The following MECOM variants were observed in gnomAD, a reference collection of about 807,000 sequenced individuals.
The protein encoded by MECOM is MDS1 and EVI1 complex locus, also known as histone-lysine N-methyltransferase MECOM.
In MECOM, 13 loss-of-function variants were observed where a neutral mutation model predicts 116.3. The ratio of observed to expected loss-of-function variants is 0.11; its 90% CI spans 0.07 to 0.18. MECOM has a LOEUF of 0.18. Ranked by LOEUF, MECOM falls within the 10% of genes least tolerant of loss-of-function variation. The pLI is 1.00. For missense variants in MECOM, 1,299 were observed against 1,509.0 expected, an observed-to-expected ratio of 0.86 and a Z score of 2.31; for synonymous variants, 528 against 535.2, an observed-to-expected ratio of 0.99 and a Z score of 0.19.
intron 2 of MECOM, chr3:169,146,409 C>T (rs1354156273): frequency 7.2e-7 from 1 of 1,394,952 alleles, no homozygotes; most frequent in Non-Finnish European, 9.5e-7. Context: ...GACAGAGACA[C>T]ACGGAGGGAG....
At chr3:169,167,465 G>A (rs1003389208) in intron 2 of MECOM, among the ~76,000 whole-genome samples, 3 of 152,116 alleles carry the variant, frequency 2.0e-5, no homozygotes, top group Non-Finnish European at 4.4e-5. Flanking sequence ...TCAAGGTCCC[G>A]CATGATGGAA....
At chr3:169,554,366 T>C (rs887288025) in intron 1 of MECOM, among the ~76,000 whole-genome samples, 6 of 152,178 alleles carry the variant, frequency 3.9e-5, no homozygotes, top group Admixed American at 3.3e-4. Flanking sequence ...ATCACTTCAA[T>C]TATGCCTTCA....
At chr3:169,361,484 G>A (rs767001882) in intron 2 of MECOM, among the ~76,000 whole-genome samples, 20 of 151,794 alleles carry the variant, frequency 1.3e-4, no homozygotes, top group Admixed American at 1.1e-3. Flanking sequence ...TGGTGATGAT[G>A]ATTATTAAAA....
chr3:169,107,354 T>G (rs952424761), intron 10 of MECOM, among the ~76,000 whole-genome samples: 1 of 152,176 alleles, frequency 6.6e-6, no homozygotes, highest in African/African-American at 2.4e-5. Context: ...TGACTGGATC[T>G]GGAAATAGTA....
rs183716919 is a variant in MECOM at position 169,463,021 on chromosome 3, A to C, written c.38-81497T>G. Among the ~76,000 whole-genome samples the C allele has an allele frequency of 2.6e-5, 4 of 152,166 alleles. No homozygotes were observed. The East Asian group carries it at 7.7e-4, about 29-fold the overall frequency. On this transcript the variant is annotated intron_variant, in intron 1 of 16. Transcript: ENST00000651503. ...AGTTTTCCTGTTGGCAAGCATAAAA[A>C]CTCATTTTCAGCATTTAAGCTAATG...
chr3:169,349,109 T>C (rs999848201), intron 2 of MECOM, among the ~76,000 whole-genome samples: 3 of 142,344 alleles, frequency 2.1e-5, no homozygotes, highest in African/African-American at 7.8e-5. Flanking sequence ...TCTCCCTCAC[T>C]TCTTAGACGC....
chr3:169,235,923 A>G (rs990664444), intron 2 of MECOM, among the ~76,000 whole-genome samples: 1 of 151,288 alleles, frequency 6.6e-6, no homozygotes, highest in Non-Finnish European at 1.5e-5. Flanking sequence ...TCAACTTACA[A>G]CCTTTTTTTT....
intron 1 of MECOM, among the ~76,000 whole-genome samples, chr3:169,647,523 C>T (rs530641656): frequency 1.3e-5 from 2 of 151,998 alleles, no homozygotes; most frequent in Non-Finnish European, 2.9e-5. Flanking sequence ...TAGAGTAATG[C>T]CCTCATGGAA....
At chr3:169,105,371 A>G (rs937481278) in intron 10 of MECOM, among the ~76,000 whole-genome samples, 1 of 151,682 alleles carries the variant, frequency 6.6e-6, no homozygotes, top group African/African-American at 2.4e-5. Flanking sequence ...CAAAACCCCA[A>G]CTCTCTCTTG....
intron 2 of MECOM, among the ~76,000 whole-genome samples, chr3:169,178,620 AT>A (rs1414422350): frequency 6.6e-6 from 1 of 152,192 alleles, no homozygotes; most frequent in African/African-American, 2.4e-5. Context: ...GCCCCACATA[AT>A]CTTGAAAGCA....
intron 12 of MECOM, among the ~76,000 whole-genome samples, chr3:169,099,547 T>A (rs1366457162): frequency 2.6e-5 from 4 of 152,184 alleles, no homozygotes; most frequent in African/African-American, 9.7e-5. Flanking sequence ...TAAGTTTAGC[T>A]CCCTCTAGCT....
intron 11 of MECOM, 21 bp from the exon 12 acceptor site, chr3:169,100,983 T>G: frequency 1.3e-6 from 2 of 1,586,010 alleles, no homozygotes; most frequent in South Asian, 2.3e-5. Flanking sequence ...AAGATGTTTA[T>G]AAGAGAAAGT....
chr3:169,392,819 A>C (rs558870947), intron 1 of MECOM, among the ~76,000 whole-genome samples: 1 of 152,304 alleles, frequency 6.6e-6, no homozygotes, highest in Non-Finnish European at 1.5e-5. Context: ...TTATTGGTGG[A>C]AACGCAGTTG....
chr3:169,606,064 G>A lies in MECOM; in HGVS notation c.37+57272C>T, dbSNP rs1197499642. ...AAGAATGATTATTTAACCTAGCCCA[G>A]ATGCCTTATGGTTAATATTTAAATA... is the stretch of plus-strand genomic sequence containing the variant. On this transcript the variant is annotated intron_variant, in intron 1 of 16. Transcript: ENST00000651503. Among the ~76,000 whole-genome samples the A allele has an allele frequency of 2.0e-5, 3 of 152,152 alleles. No individual in the cohort carries two copies. The South Asian group carries it at 6.2e-4, about 32-fold the overall frequency.
intron 10 of MECOM, among the ~76,000 whole-genome samples, chr3:169,105,423 CT>C (rs999721612): frequency 5.9e-5 from 9 of 152,022 alleles, no homozygotes; most frequent in African/African-American, 1.9e-4. Flanking sequence ...AAAAGTAACA[CT>C]TTTTTGCAGG....
intron 1 of MECOM, among the ~76,000 whole-genome samples, chr3:169,399,853 G>GAATT (rs1201404019): frequency 6.6e-6 from 1 of 152,068 alleles, no homozygotes; most frequent in Non-Finnish European, 1.5e-5. Flanking sequence ...TCAAATAGAA[G>GAATT]AATTAATAAG....
intron 2 of MECOM, among the ~76,000 whole-genome samples, chr3:169,273,600 A>G (rs895948366): frequency 6.6e-6 from 1 of 152,158 alleles, no homozygotes; most frequent in Non-Finnish European, 1.5e-5. Context: ...GGGCTTGGGA[A>G]TGCTACGGTT....
chr3:169,393,484 T>C (rs890263610), intron 1 of MECOM, among the ~76,000 whole-genome samples: 6 of 152,076 alleles, frequency 3.9e-5, no homozygotes, highest in African/African-American at 7.2e-5. Flanking sequence ...GGAAAAAAGA[T>C]CTCAAAAAAG....
chr3:169,302,771 G>A (rs573603123), intron 2 of MECOM, among the ~76,000 whole-genome samples: 5 of 152,136 alleles, frequency 3.3e-5, no homozygotes, highest in African/African-American at 1.2e-4. Context: ...GGCTGAGGCA[G>A]GAGAATCAGT....
Sources: allele counts gnomAD v4.1 joint callset (sites outside exome capture counted in the v4.1 genomes callset), GRCh38; gene constraint gnomAD v4.1.1; transcripts MANE v1.5; gene names NCBI Gene and HGNC (gene_info 2026-07-23, HGNC 2026-07-21).